The following SGCZ variants were observed in gnomAD, a reference collection of about 807,000 sequenced individuals.
SGCZ encodes the protein sarcoglycan zeta.
SGCZ carries 40 observed loss-of-function variants against 41.3 expected under a neutral mutation model. The observed-to-expected ratio is 0.97, with a 90% confidence interval of 0.75 to 1.26. The LOEUF (loss-of-function observed/expected upper bound fraction) is 1.26, where lower values mean the gene tolerates loss of function less well. SGCZ is among the 50% of genes most tolerant of loss of function. The pLI, the probability that SGCZ is intolerant of heterozygous loss-of-function variation, is 0.00. For missense variants in SGCZ, 552 were observed against 369.8 expected (o/e 1.49, Z -4.04); for synonymous variants, 206 against 137.5 (o/e 1.50, Z -3.49).
At chr8:14,315,060 A>C (rs973741200) in intron 3 of SGCZ, among the ~76,000 whole-genome samples, 2 of 152,156 alleles carry the variant, frequency 1.3e-5, no homozygotes, top group Admixed American at 1.3e-4. Context: ...ACAGGCACAC[A>C]ATGCAGAATC....
intron 1 of SGCZ, among the ~76,000 whole-genome samples, chr8:14,555,522 C>T (rs7815229): frequency 0.14 from 21,000 of 151,958 alleles, 1,694 homozygotes; most frequent in South Asian, 0.26. Flanking sequence ...CTGAGGCCTC[C>T]CCAGAAGCAA....
rs184161428 is a variant in SGCZ, at chr8:14,755,531, G to A, written c.40-200605C>T. 3.1e-3 allele frequency among the ~76,000 whole-genome samples: 478 copies of A among 152,212 alleles called. 3 individuals carry two copies. Among genetic ancestry groups the A allele is most frequent in the Admixed American group, 0.02 (310 of 15,294 alleles). On this transcript the variant is annotated intron_variant, in intron 1 of 7. Coordinates refer to ENST00000382080, the MANE Select transcript of SGCZ (RefSeq NM_139167.4). The stretch of plus-strand genomic sequence containing the variant: ...GTCTATGATAGTCTTCTTTTAATAA[G>A]CTCTTAACAACAACTTTTAAACCCT...
chr8:14,259,103 C>T (rs1280672895), intron 3 of SGCZ, among the ~76,000 whole-genome samples: 3 of 152,078 alleles, frequency 2.0e-5, no homozygotes, highest in East Asian at 1.9e-4. Flanking sequence ...CCTTGGGTAA[C>T]CTCTAGTATA....
intron 1 of SGCZ, among the ~76,000 whole-genome samples, chr8:14,748,399 C>T (rs1799400415): frequency 6.6e-6 from 1 of 152,136 alleles, no homozygotes; most frequent in Non-Finnish European, 1.5e-5. Context: ...TAGTTTCATC[C>T]TGACTTCTAT....
At chr8:14,931,333 T>A (rs1032251311) in intron 1 of SGCZ, among the ~76,000 whole-genome samples, 4 of 152,092 alleles carry the variant, frequency 2.6e-5, no homozygotes, top group Non-Finnish European at 2.9e-5. Context: ...TTTCAAATAG[T>A]TTGATCTATT....
chr8:14,840,975 A>G (rs544152647), intron 1 of SGCZ, among the ~76,000 whole-genome samples: 1 of 152,206 alleles, frequency 6.6e-6, no homozygotes, highest in South Asian at 2.1e-4. Flanking sequence ...CATTATTACT[A>G]TGAAGTCAGT....
chr8:14,641,223 C>A (rs761866623), intron 1 of SGCZ, among the ~76,000 whole-genome samples: 18 of 151,626 alleles, frequency 1.2e-4, no homozygotes, highest in Non-Finnish European at 2.2e-4. Flanking sequence ...CAGGCTTAGT[C>A]TATTACAGCT....
chr8:14,779,870 T>C (rs1464921997), intron 1 of SGCZ, among the ~76,000 whole-genome samples: 2 of 152,218 alleles, frequency 1.3e-5, no homozygotes, highest in East Asian at 1.9e-4. Context: ...TTAATTAAAT[T>C]GTTTAAAGAT....
rs538418063 is a variant in SGCZ at position 15,092,475 on chromosome 8, G to GC, written c.39+145109dup. 3.3e-5 allele frequency among the ~76,000 whole-genome samples: 5 copies of GC among 152,146 alleles called. No homozygotes were observed. In the South Asian group the frequency reaches 1.0e-3, roughly 32 times the overall value. On this transcript the variant is annotated intron_variant, in intron 1 of 7. Transcript: ENST00000382080. ...GAAAAATTTTAACAACAGCTAGCTA[G>GC]CCTGAGTATTAAATCATAAAAGTGA...
At chr8:14,111,450 AAAG>A (rs1480871824) in intron 5 of SGCZ, among the ~76,000 whole-genome samples, 4 of 152,110 alleles carry the variant, frequency 2.6e-5, no homozygotes, top group Non-Finnish European at 4.4e-5. Context: ...TAGAAACAAA[AAAG>A]AAGGATAGAC....
chr8:14,411,425 G>T (rs552689081), intron 2 of SGCZ, among the ~76,000 whole-genome samples: 1 of 151,944 alleles, frequency 6.6e-6, no homozygotes, highest in South Asian at 2.1e-4. Flanking sequence ...GAAAAATCTT[G>T]GTTCATTACA....
intron 2 of SGCZ, among the ~76,000 whole-genome samples, chr8:14,443,293 A>G (rs1466290632): frequency 2.0e-5 from 3 of 152,156 alleles, no homozygotes; most frequent in African/African-American, 7.2e-5. Flanking sequence ...CTTTCTTCAC[A>G]GAATTGGAAA....
chr8:14,697,129 A>T (rs1808990562), intron 1 of SGCZ, among the ~76,000 whole-genome samples: 1 of 152,050 alleles, frequency 6.6e-6, no homozygotes, highest in Admixed American at 6.6e-5. Context: ...GGTATAACAA[A>T]ACATTATATT....
intron 1 of SGCZ, among the ~76,000 whole-genome samples, chr8:15,190,101 C>T (rs1044899778): frequency 2.6e-5 from 4 of 152,088 alleles, no homozygotes; most frequent in Admixed American, 2.6e-4. Flanking sequence ...CCTTCACAAA[C>T]CCATGGTTTG....
intron 3 of SGCZ, among the ~76,000 whole-genome samples, chr8:14,322,880 G>C (rs1801973895): frequency 1.3e-5 from 2 of 152,098 alleles, no homozygotes; most frequent in Middle Eastern, 3.2e-3. Flanking sequence ...ACACTAACAT[G>C]TGTAACCAGG....
chr8:14,452,808 A>G (rs189151864), intron 2 of SGCZ, among the ~76,000 whole-genome samples: 3 of 152,278 alleles, frequency 2.0e-5, no homozygotes, highest in African/African-American at 7.2e-5. Flanking sequence ...CCGTATAAAA[A>G]GAAGAGTAAG....
chr8:15,176,919 T>G (rs967693219), intron 1 of SGCZ, among the ~76,000 whole-genome samples: 1 of 152,076 alleles, frequency 6.6e-6, no homozygotes, highest in Non-Finnish European at 1.5e-5. Context: ...GACAATGGCG[T>G]GAACCCAGGA....
chr8:14,807,962 G>C (rs921478514), intron 1 of SGCZ, among the ~76,000 whole-genome samples: 1 of 151,306 alleles, frequency 6.6e-6, no homozygotes, highest in African/African-American at 2.4e-5. Context: ...ACAAACCTGA[G>C]AAAAACAAAC....
intron 2 of SGCZ, among the ~76,000 whole-genome samples, chr8:14,328,610 T>G (rs1802205194): frequency 1.3e-5 from 2 of 152,200 alleles, no homozygotes. Flanking sequence ...AGTTTTTGTC[T>G]TATAAAAACT....
Sources: gnomAD v4.1 joint callset for allele counts (sites outside exome capture counted in the v4.1 genomes callset) on GRCh38, gnomAD v4.1.1 for gene constraint, MANE v1.5 for transcripts, NCBI Gene and HGNC (gene_info 2026-07-23, HGNC 2026-07-21) for gene names.